PATJ: variants seen among roughly 807,000 people sequenced by gnomAD.
PATJ encodes the protein PATJ crumbs cell polarity complex component, also known as inaD-like protein.
In PATJ, 190 loss-of-function variants were observed where a neutral mutation model predicts 224.9. That is an observed-to-expected ratio of 0.84 (90% CI 0.75 to 0.95). The LOEUF (loss-of-function observed/expected upper bound fraction) is 0.95, where lower values mean the gene tolerates loss of function less well. Among genes scored for constraint, PATJ ranks in the 40% least tolerant of loss-of-function variants. The pLI is 0.00. For synonymous variants in PATJ, 769 were observed against 820.3 expected (o/e 0.94, Z 1.07); for missense variants, 2,121 against 2,270.3 (o/e 0.93, Z 1.34).
chr1:61,901,901 C>T (rs1293446262), intron 24 of PATJ, among the ~76,000 whole-genome samples: 3 of 152,042 alleles, frequency 2.0e-5, no homozygotes, highest in East Asian at 1.9e-4. Context: ...TGATTCGCAC[C>T]GGATACGCTC....
rs945260736 is a variant in PATJ at position 62,086,225 on chromosome 1, T to C, written c.4377+1577T>C. On this transcript the variant is annotated intron_variant, in intron 33 of 43. Transcript: ENST00000642238. This position sits in a 1 kb window ranked among gnomAD's most constrained non-coding sequence, Gnocchi z 4.0. Reference sequence around the variant, plus strand: ...ATTTACTCAAGATGTGATTAATTAATGCATGTGTGTGTGTGTGTATGTGTG... The same window carrying C: ...ATTTACTCAAGATGTGATTAATTAACGCATGTGTGTGTGTGTGTATGTGTG... Among the ~76,000 whole-genome samples, 2 of 148,046 alleles carry C rather than the reference T, an allele frequency of 1.4e-5. No homozygotes were observed. The highest frequency in any genetic ancestry group is 3.0e-5 in the Non-Finnish European group (2 of 66,740).
intron 26 of PATJ, among the ~76,000 whole-genome samples, chr1:61,921,335 C>T (rs1281852300): frequency 6.6e-6 from 1 of 152,158 alleles, no homozygotes; most frequent in African/African-American, 2.4e-5. Context: ...ACTGGATTGG[C>T]CACTGTCTTT....
intron 25 of PATJ, among the ~76,000 whole-genome samples, chr1:61,910,495 A>G (rs1480213775): frequency 7.7e-6 from 1 of 129,770 alleles, no homozygotes; most frequent in African/African-American, 2.8e-5. Flanking sequence ...CATGTCCATG[A>G]CTTGTTCCAT....
At chr1:61,945,155 G>A (rs1442367131) in intron 27 of PATJ, among the ~76,000 whole-genome samples, 1 of 152,196 alleles carries the variant, frequency 6.6e-6, no homozygotes, top group Non-Finnish European at 1.5e-5. Flanking sequence ...ATGCTAGGAA[G>A]AAACTGCATC....
At chr1:62,133,177 AAAGAG>A (rs1666441537) in intron 41 of PATJ, among the ~76,000 whole-genome samples, 1 of 141,724 alleles carries the variant, frequency 7.1e-6, no homozygotes, top group African/African-American at 2.8e-5. Flanking sequence ...TTAGAATTAA[AAAGAG>A]AAAAGTTCAA....
chr1:61,780,293 G>A (rs1019067529), intron 7 of PATJ, among the ~76,000 whole-genome samples: 8 of 152,132 alleles, frequency 5.3e-5, no homozygotes, highest in Middle Eastern at 3.4e-3. Flanking sequence ...GTGAAACCCC[G>A]TCGCTACTAA....
intron 31 of PATJ, among the ~76,000 whole-genome samples, chr1:62,060,107 C>T (rs2476186): frequency 0.024 from 3,665 of 152,208 alleles, 119 homozygotes; most frequent in East Asian, 0.14. Context: ...CTGATAGAAA[C>T]AGCAATAATA....
chr1:61,906,861 G>T (rs1363587736), intron 24 of PATJ, among the ~76,000 whole-genome samples: 1 of 152,094 alleles, frequency 6.6e-6, no homozygotes, highest in Non-Finnish European at 1.5e-5. Context: ...TCTCCTAGCT[G>T]GTTCAGTCTC....
At chr1:61,796,724 T>TTCTTTCTTTCTTTCTTTCTTTTTC (rs1223383945) in intron 10 of PATJ, among the ~76,000 whole-genome samples, 4 of 52,744 alleles carry the variant, frequency 7.6e-5, no homozygotes, top group South Asian at 8.1e-4. Flanking sequence ...CTTTCTTTCT[T>TTCTTTCTTTCTTTCTTTCTTTTTC]TTTCTTTCTT....
intron 27 of PATJ, among the ~76,000 whole-genome samples, chr1:61,950,646 G>A (rs188865782): frequency 2.4e-4 from 37 of 151,932 alleles, no homozygotes; most frequent in African/African-American, 7.3e-4. Context: ...GAATGTTCAC[G>A]TCAAACTGTG....
intron 27 of PATJ, among the ~76,000 whole-genome samples, chr1:61,986,261 C>G (rs1279480961): frequency 1.3e-5 from 2 of 151,946 alleles, no homozygotes; most frequent in Non-Finnish European, 2.9e-5. Flanking sequence ...TACATTTATT[C>G]TTGCACTAAA....
chr1:62,065,935 C>A (rs541776977), intron 31 of PATJ, among the ~76,000 whole-genome samples: 1 of 152,168 alleles, frequency 6.6e-6, no homozygotes, highest in Non-Finnish European at 1.5e-5. Context: ...ATGAAGTTTT[C>A]GGTTTTCTGG....
At chr1:61,816,464 G>C (rs1031875153) in intron 14 of PATJ, 2 of 152,096 alleles carry the variant, frequency 1.3e-5, no homozygotes, top group African/African-American at 2.4e-5. Context: ...ATGATACAGA[G>C]ATTAGCATGG....
intron 22 of PATJ, 137 bp downstream of exon 22, chr1:61,884,545 A>G (rs529951410): frequency 3.0e-5 from 19 of 636,572 alleles, no homozygotes; most frequent in Middle Eastern, 4.4e-4. Flanking sequence ...AATCCACTAT[A>G]TTTGACAATT....
intron 3 of PATJ, among the ~76,000 whole-genome samples, chr1:61,765,696 A>G (rs1165101463): frequency 6.8e-6 from 1 of 147,678 alleles, no homozygotes; most frequent in Non-Finnish European, 1.5e-5. Flanking sequence ...CTTTCTATCA[A>G]TGTTTAAGTG....
At chr1:61,920,116 T>G (rs1386062939) in intron 26 of PATJ, among the ~76,000 whole-genome samples, 1 of 152,220 alleles carries the variant, frequency 6.6e-6, no homozygotes, top group Non-Finnish European at 1.5e-5. Context: ...TTTCACATGT[T>G]TTCAAGTTAA....
intron 21 of PATJ, among the ~76,000 whole-genome samples, chr1:61,881,126 G>A (rs944352028): frequency 2.0e-5 from 3 of 152,028 alleles, no homozygotes; most frequent in African/African-American, 7.2e-5. Flanking sequence ...TATCTACAAG[G>A]TACTGTGCAA....
chr1:62,116,724 C>A, intron 36 of PATJ, 45 bp downstream of exon 36: 1 of 1,564,340 alleles, frequency 6.4e-7, no homozygotes, highest in Non-Finnish European at 8.7e-7. Context: ...CAACTGAAGT[C>A]CAGTGGGAAC....
At chr1:61,862,617 G>A (rs1322298230) in intron 19 of PATJ, among the ~76,000 whole-genome samples, 1 of 152,050 alleles carries the variant, frequency 6.6e-6, no homozygotes, top group Non-Finnish European at 1.5e-5. Flanking sequence ...AATTTTGGAT[G>A]GTAGAACATA....
Sources: allele counts gnomAD v4.1 joint callset (sites outside exome capture counted in the v4.1 genomes callset), GRCh38; gene constraint gnomAD v4.1.1; non-coding constraint Gnocchi (gnomAD v3.1); transcripts MANE v1.5; gene names NCBI Gene and HGNC (gene_info 2026-07-23, HGNC 2026-07-21).